ENTREP2: variants seen among roughly 807,000 people sequenced by gnomAD.
ENTREP2 encodes the protein endosomal transmembrane epsin interactor 2, also known as protein ENTREP2.
At chr15:29,527,758 G>C in the ENTREP2 span, among the ~76,000 whole-genome samples, 1 of 151,974 alleles carries the variant, frequency 6.6e-6, no homozygotes, top group Admixed American at 6.6e-5. Context: ...AACACACAAG[G>C]ATCTGTATGT....
At chr15:29,377,823 AAATAATAATAAT>A in the ENTREP2 span, among the ~76,000 whole-genome samples, 24 of 112,984 alleles carry the variant, frequency 2.1e-4, no homozygotes, top group African/African-American at 5.8e-4. Context: ...TCTGTCTCAA[AAATAATAATAAT>A]AATAATAATA....
chr15:29,393,100 T>C, the ENTREP2 span, among the ~76,000 whole-genome samples: 1 of 152,266 alleles, frequency 6.6e-6, no homozygotes, highest in Admixed American at 6.5e-5. Context: ...TTTCATACAC[T>C]AATGTTCTAG....
the ENTREP2 span, among the ~76,000 whole-genome samples, chr15:29,674,652 G>A: frequency 1.7e-4 from 26 of 152,072 alleles, no homozygotes; most frequent in African/African-American, 6.0e-4. Flanking sequence ...ATCGAGGGAT[G>A]GAAGGGAGAG....
At chr15:29,231,902 T>G in the ENTREP2 span, among the ~76,000 whole-genome samples, 2 of 147,242 alleles carry the variant, frequency 1.4e-5, no homozygotes, top group African/African-American at 4.9e-5. Context: ...TTCTTTTTTT[T>G]TTTTTTGAGA....
chr15:29,470,427 C>G, the ENTREP2 span, among the ~76,000 whole-genome samples: 4 of 152,186 alleles, frequency 2.6e-5, no homozygotes, highest in African/African-American at 7.2e-5. Context: ...CCCTTGCAAA[C>G]TTCATTCACC....
chr15:29,393,678 T>A, the ENTREP2 span, among the ~76,000 whole-genome samples: 9,868 of 152,160 alleles, frequency 0.065, 428 homozygotes, highest in Non-Finnish European at 0.069. Flanking sequence ...AAATCCCCCA[T>A]TCCTGGTGTT....
At chr15:29,170,753 C>A in the ENTREP2 span, among the ~76,000 whole-genome samples, 3 of 152,242 alleles carry the variant, frequency 2.0e-5, no homozygotes, top group African/African-American at 7.2e-5. Context: ...CTCGACCATG[C>A]TGGCACTTTG....
At chr15:29,234,506 C>G in the ENTREP2 span, 2 of 1,412,778 alleles carry the variant, frequency 1.4e-6, no homozygotes, top group Non-Finnish European at 2.0e-6. Context: ...GCTATAAGAA[C>G]AACCAACGGC....
the ENTREP2 span, among the ~76,000 whole-genome samples, chr15:29,618,912 A>T: frequency 6.6e-6 from 1 of 152,206 alleles, no homozygotes; most frequent in Non-Finnish European, 1.5e-5. Flanking sequence ...TGGAGAAACC[A>T]AAGGAAGAAA....
the ENTREP2 span, among the ~76,000 whole-genome samples, chr15:29,626,500 T>A: frequency 1.3e-5 from 2 of 152,214 alleles, no homozygotes; most frequent in Admixed American, 6.5e-5. Flanking sequence ...TGTGGAACTG[T>A]GAGTTCATTA....
chr15:29,420,484 G>T, the ENTREP2 span, among the ~76,000 whole-genome samples: 399 of 152,190 alleles, frequency 2.6e-3, no homozygotes, highest in Non-Finnish European at 4.6e-3. Flanking sequence ...TAACCACAAG[G>T]CTCTATCTTA....
the ENTREP2 span, among the ~76,000 whole-genome samples, chr15:29,247,264 G>A: frequency 6.6e-6 from 1 of 152,088 alleles, no homozygotes; most frequent in Non-Finnish European, 1.5e-5. Flanking sequence ...GGAAAGACAT[G>A]GTATTGTTTA....
At chr15:29,212,205 A>T in the ENTREP2 span, among the ~76,000 whole-genome samples, 4 of 152,080 alleles carry the variant, frequency 2.6e-5, no homozygotes, top group Non-Finnish European at 1.5e-5. Context: ...TTACGCTAGG[A>T]GGGTTGTATT....
At chr15:29,170,961 G>A in the ENTREP2 span, among the ~76,000 whole-genome samples, 1 of 152,212 alleles carries the variant, frequency 6.6e-6, no homozygotes, top group Admixed American at 6.5e-5. Flanking sequence ...AGAGCATGGG[G>A]CCAGCATCTG....
chr15:29,151,676 C>G, the ENTREP2 span: 17 of 1,339,582 alleles, frequency 1.3e-5, no homozygotes, highest in African/African-American at 2.5e-4. Context: ...AAGCCAGAAG[C>G]GTCCACTCCT....
At chr15:29,519,140 TTCTC>T in the ENTREP2 span, among the ~76,000 whole-genome samples, 15 of 149,460 alleles carry the variant, frequency 1.0e-4, no homozygotes, top group South Asian at 2.1e-4. Flanking sequence ...ATACACCTCT[TTCTC>T]TCTCTCTCTC....
the ENTREP2 span, among the ~76,000 whole-genome samples, chr15:29,550,475 T>G: frequency 6.6e-6 from 1 of 152,212 alleles, no homozygotes; most frequent in Non-Finnish European, 1.5e-5. Flanking sequence ...CATTATTTTA[T>G]CTGAATGTTA....
the ENTREP2 span, among the ~76,000 whole-genome samples, chr15:29,317,259 A>T: frequency 2.6e-5 from 4 of 152,192 alleles, no homozygotes; most frequent in African/African-American, 9.7e-5. Context: ...CATAAATAAC[A>T]TTTAATTTGT....
the ENTREP2 span, among the ~76,000 whole-genome samples, chr15:29,655,199 CCTTTCT>C: frequency 2.0e-5 from 3 of 152,126 alleles, no homozygotes; most frequent in South Asian, 4.1e-4. Context: ...TTCCATGTGC[CCTTTCT>C]CTTTGAGACA....
Sources: gnomAD v4.1 joint callset for allele counts (sites outside exome capture counted in the v4.1 genomes callset) on GRCh38, gnomAD v4.1.1 for gene constraint, MANE v1.5 for transcripts, NCBI Gene and HGNC (gene_info 2026-07-23, HGNC 2026-07-21) for gene names.